GRID2: variants seen among roughly 807,000 people sequenced by gnomAD.
The protein encoded by GRID2 is glutamate ionotropic receptor delta type subunit 2.
GRID2 carries 33 observed loss-of-function variants against 114.8 expected under a neutral mutation model. The observed-to-expected ratio is 0.29, with a 90% CI of 0.22 to 0.38. GRID2 has a LOEUF of 0.38. Ranked by LOEUF, GRID2 falls within the 10% of genes least tolerant of loss-of-function variation. The pLI is 1.00. For missense variants in GRID2, 1,184 were observed against 1,257.7 expected (o/e 0.94, Z 0.89); for synonymous variants, 505 against 449.9 (o/e 1.12, Z -1.55).
intron 1 of GRID2, among the ~76,000 whole-genome samples, chr4:93,795,984 C>G (rs563515674): frequency 4.6e-5 from 7 of 152,170 alleles, no homozygotes; most frequent in African/African-American, 1.7e-4. Context: ...GAGTTCTCTT[C>G]CAAGTTCACA....
intron 10 of GRID2, among the ~76,000 whole-genome samples, chr4:93,439,982 T>G (rs767796360): frequency 6.6e-6 from 1 of 151,966 alleles, no homozygotes; most frequent in Non-Finnish European, 1.5e-5. Context: ...ACACCTAAGA[T>G]TCCCACAGTC....
intron 9 of GRID2, among the ~76,000 whole-genome samples, chr4:93,409,764 A>T (rs2149350704): frequency 6.6e-6 from 1 of 152,332 alleles, no homozygotes; most frequent in South Asian, 2.1e-4. Flanking sequence ...GAACTTCAGC[A>T]CCAGAGGGCA....
At chr4:92,992,349 T>G (rs780000010) in intron 2 of GRID2, among the ~76,000 whole-genome samples, 1 of 152,162 alleles carries the variant, frequency 6.6e-6, no homozygotes, top group Non-Finnish European at 1.5e-5. Context: ...CCACAACTCC[T>G]CATCATTTCT....
chr4:92,631,527 A>G (rs1396709283), intron 2 of GRID2, among the ~76,000 whole-genome samples: 1 of 152,120 alleles, frequency 6.6e-6, no homozygotes, highest in Non-Finnish European at 1.5e-5. Context: ...AATTTTAAAT[A>G]CTTTCAAATG....
At chr4:93,379,899 T>C (rs1313712751) in intron 8 of GRID2, among the ~76,000 whole-genome samples, 1 of 152,092 alleles carries the variant, frequency 6.6e-6, no homozygotes, top group Non-Finnish European at 1.5e-5. Context: ...CCCATTGGAT[T>C]TGGATCCCAT....
At chr4:92,305,912 T>A (rs1282267079) in intron 1 of GRID2, among the ~76,000 whole-genome samples, 1 of 152,240 alleles carries the variant, frequency 6.6e-6, no homozygotes, top group African/African-American at 2.4e-5. Context: ...GGAATTTTTC[T>A]GGGCACAGGA....
intron 2 of GRID2, among the ~76,000 whole-genome samples, chr4:93,059,216 T>C (rs1334548853): frequency 6.6e-6 from 1 of 152,152 alleles, no homozygotes; most frequent in Non-Finnish European, 1.5e-5. Context: ...CAAATGAGTA[T>C]AAAATGTTAA....
At chr4:93,708,598 A>G (rs896895460) in intron 14 of GRID2, among the ~76,000 whole-genome samples, 1 of 151,850 alleles carries the variant, frequency 6.6e-6, no homozygotes, top group Non-Finnish European at 1.5e-5. Context: ...AGATTGTTGA[A>G]TGTTGTTTTT....
chr4:93,011,386 G>A (rs1226296391), intron 2 of GRID2, among the ~76,000 whole-genome samples: 1 of 152,064 alleles, frequency 6.6e-6, no homozygotes, highest in East Asian at 1.9e-4. Context: ...TCACCTGCCA[G>A]TAGTGATAAA....
intron 4 of GRID2, among the ~76,000 whole-genome samples, chr4:93,141,214 A>G (rs977680720): frequency 1.3e-5 from 2 of 151,740 alleles, no homozygotes; most frequent in African/African-American, 4.8e-5. Context: ...TTTATTTTCC[A>G]TTGTGTTTAA....
chr4:92,979,782 C>T (rs1309684069), intron 2 of GRID2, among the ~76,000 whole-genome samples: 1 of 152,112 alleles, frequency 6.6e-6, no homozygotes, highest in Non-Finnish European at 1.5e-5. Flanking sequence ...CAAAAGCCAG[C>T]TCACATTGCT....
chr4:92,951,774 A>G (rs1042429914), intron 2 of GRID2, among the ~76,000 whole-genome samples: 3 of 152,186 alleles, frequency 2.0e-5, no homozygotes, highest in African/African-American at 4.8e-5. Context: ...ATATGCAAAT[A>G]CTAATTTTCT....
At chr4:93,217,406 G>A (rs1744356794) in intron 6 of GRID2, 1 of 152,516 alleles carries the variant, frequency 6.6e-6, no homozygotes, top group Non-Finnish European at 1.5e-5. Context: ...GAAACCTTCA[G>A]CATCCAGAAT....
At chr4:92,827,950 A>C (rs1208004446) in intron 2 of GRID2, among the ~76,000 whole-genome samples, 3 of 152,062 alleles carry the variant, frequency 2.0e-5, no homozygotes, top group Non-Finnish European at 4.4e-5. Context: ...CTTGATAGTT[A>C]ATGTTGAGAA....
At chr4:93,738,631 A>G (rs1388194032) in intron 14 of GRID2, among the ~76,000 whole-genome samples, 1 of 152,172 alleles carries the variant, frequency 6.6e-6, no homozygotes, top group Non-Finnish European at 1.5e-5. Flanking sequence ...ACTAGGTGGA[A>G]GGAGACTCCA....
chr4:93,149,622 A>G (rs534040347), intron 4 of GRID2, among the ~76,000 whole-genome samples: 2 of 151,880 alleles, frequency 1.3e-5, no homozygotes, highest in East Asian at 3.9e-4. Flanking sequence ...TAGCTTCAAG[A>G]AAAGCTTTTA....
At chr4:92,436,672 T>G (rs2110350261) in intron 1 of GRID2, among the ~76,000 whole-genome samples, 1 of 152,222 alleles carries the variant, frequency 6.6e-6, no homozygotes, top group South Asian at 2.1e-4. Context: ...TCTCTTAGGT[T>G]GCTTGTGTGT....
At position 93,486,648 on chromosome 4, in the gene GRID2, G is replaced by A. The variant is rs575587265; in HGVS notation, c.1859-3991G>A. On this transcript the variant is annotated intron_variant, in intron 11 of 15. Coordinates refer to ENST00000282020, the MANE Select transcript of GRID2 (RefSeq NM_001510.4). The stretch of plus-strand genomic sequence containing the variant: ...TTTTCTCTTTTGGTCCTAAAGTAGC[G>A]AATTACAATGATTGATTTTTGAATG... Among the ~76,000 whole-genome samples, 12 of 151,590 alleles carry A rather than the reference G, an allele frequency of 7.9e-5. No individual in the cohort carries two copies. In the South Asian group the frequency reaches 1.7e-3, roughly 21 times the overall value.
At chr4:92,639,112 T>A (rs1443404310) in intron 2 of GRID2, among the ~76,000 whole-genome samples, 1 of 151,604 alleles carries the variant, frequency 6.6e-6, no homozygotes, top group Non-Finnish European at 1.5e-5. Flanking sequence ...AAATAACGTA[T>A]CTTTAGAATG....
Sources: allele counts gnomAD v4.1 joint callset (sites outside exome capture counted in the v4.1 genomes callset), GRCh38; gene constraint gnomAD v4.1.1; transcripts MANE v1.5; gene names NCBI Gene and HGNC (gene_info 2026-07-23, HGNC 2026-07-21).